The following EDIL3 variants were observed in gnomAD, a reference collection of about 807,000 sequenced individuals.
The protein encoded by EDIL3 is EGF like and discoidin domains 3, also known as EGF-like repeat and discoidin I-like domain-containing protein 3.
A neutral mutation model predicts 67.4 loss-of-function variants in EDIL3; 37 were observed. That is an observed-to-expected ratio of 0.55 (90% confidence interval 0.42 to 0.72). The LOEUF (loss-of-function observed/expected upper bound fraction) is 0.72. Ranked by LOEUF, EDIL3 falls within the 30% of genes least tolerant of loss-of-function variation. The pLI is 0.00. For synonymous variants in EDIL3, 195 were observed against 196.3 expected (o/e 0.99, Z 0.05); for missense variants, 527 against 586.3 (o/e 0.90, Z 1.04).
chr5:84,349,774 C>T (rs763610849), intron 1 of EDIL3, among the ~76,000 whole-genome samples: 11 of 151,976 alleles, frequency 7.2e-5, no homozygotes, highest in Non-Finnish European at 1.2e-4. Context: ...TATAGGTATA[C>T]CTTATTCATT....
intron 5 of EDIL3, among the ~76,000 whole-genome samples, chr5:84,124,920 A>G (rs908285467): frequency 2.6e-5 from 4 of 151,984 alleles, no homozygotes; most frequent in Admixed American, 6.6e-5. Flanking sequence ...TCTCAGGTAC[A>G]CTTATAAACT....
chr5:84,060,049 A>C (rs1446512798), intron 9 of EDIL3, among the ~76,000 whole-genome samples: 4 of 152,226 alleles, frequency 2.6e-5, no homozygotes, highest in Non-Finnish European at 5.9e-5. Flanking sequence ...ATCAATTGAC[A>C]TACACATAGT....
chr5:84,101,328 A>G (rs1035229688), intron 6 of EDIL3, among the ~76,000 whole-genome samples: 35 of 152,116 alleles, frequency 2.3e-4, no homozygotes, highest in African/African-American at 7.2e-4. Flanking sequence ...TAAAGTGATG[A>G]TAATTACACC....
At chr5:84,082,186 T>A (rs1443714272) in intron 6 of EDIL3, among the ~76,000 whole-genome samples, 1 of 152,244 alleles carries the variant, frequency 6.6e-6, no homozygotes, top group Non-Finnish European at 1.5e-5. Flanking sequence ...CAAGTTTTGC[T>A]ATGATAATAC....
Position 84,229,858 on chromosome 5 carries a change from C to A in EDIL3, c.223G>T (p.Ala75Ser). The change falls in exon 3 of 11, where the codon GCA (alanine) becomes TCA (serine). Residue 75 changes from alanine (A) to serine (S), a missense_variant. Transcript: ENST00000296591. ...VASDEEEPTS[A>S]GPCTPNPCHN... is the part of the protein sequence containing the mutation. The stretch of plus-strand genomic sequence containing the variant: ...GTTTACAACATAGGAACTTTACCTG[C>A]TGAAGTTGGTTCTTCTTCATCTGAT... 1 of 1,598,528 alleles carries A rather than the reference C, an allele frequency of 6.3e-7. No homozygotes were observed. Among genetic ancestry groups the A allele is most frequent in the Non-Finnish European group, 8.5e-7 (1 of 1,171,618 alleles).
At chr5:84,012,866 T>C (rs1485521057) in intron 9 of EDIL3, among the ~76,000 whole-genome samples, 1 of 152,042 alleles carries the variant, frequency 6.6e-6, no homozygotes, top group Non-Finnish European at 1.5e-5. Flanking sequence ...AACTTATTAC[T>C]CTACAAATAG....
intron 5 of EDIL3, among the ~76,000 whole-genome samples, chr5:84,130,506 G>A (rs962919775): frequency 6.6e-6 from 1 of 151,998 alleles, no homozygotes; most frequent in Non-Finnish European, 1.5e-5. Flanking sequence ...TAAAACTTAT[G>A]TGTGTTTTCA....
intron 6 of EDIL3, among the ~76,000 whole-genome samples, chr5:84,098,625 T>A (rs1747308364): frequency 6.6e-6 from 1 of 152,084 alleles, no homozygotes; most frequent in Non-Finnish European, 1.5e-5. Flanking sequence ...CAAAACCATA[T>A]GATCACATGG....
chr5:84,054,885 C>G (rs1459231581), intron 9 of EDIL3, among the ~76,000 whole-genome samples: 1 of 136,344 alleles, frequency 7.3e-6, no homozygotes, highest in Non-Finnish European at 1.5e-5. Context: ...CCATACTGCC[C>G]AAGGTAATTT....
rs114614972 is a variant in EDIL3 at position 83,979,590 on chromosome 5, A to G, written c.1138-16230T>C. On this transcript the variant is annotated intron_variant, in intron 9 of 10. Transcript: ENST00000296591. ...GTATCAACTTGGAAAAATCTCAAAA[A>G]TATATTATTGAACAAATATGAAAAC... 9.3e-3 allele frequency among the ~76,000 whole-genome samples: 1,420 copies of G among 152,308 alleles called. 16 individuals are homozygous for G. Among genetic ancestry groups the G allele is most frequent in the African/African-American group, 0.033 (1,356 of 41,578 alleles).
intron 9 of EDIL3, among the ~76,000 whole-genome samples, chr5:84,039,400 C>T (rs911588282): frequency 1.1e-4 from 16 of 152,148 alleles, no homozygotes; most frequent in African/African-American, 3.9e-4. Context: ...TACAAAATAG[C>T]ATCTTTACCA....
intron 9 of EDIL3, among the ~76,000 whole-genome samples, chr5:84,038,853 C>T (rs183653805): frequency 6.6e-6 from 1 of 152,310 alleles, no homozygotes; most frequent in East Asian, 1.9e-4. Flanking sequence ...TCCAGTACTA[C>T]TAATCTCTAG....
At chr5:84,339,605 G>GTGT (rs1561262210) in intron 1 of EDIL3, among the ~76,000 whole-genome samples, 43 of 125,180 alleles carry the variant, frequency 3.4e-4, no homozygotes, top group South Asian at 1.1e-3. Flanking sequence ...AAAATACTGT[G>GTGT]TTTTTTTTTA....
chr5:84,376,622 G>C (rs1467836040), intron 1 of EDIL3, among the ~76,000 whole-genome samples: 2 of 152,200 alleles, frequency 1.3e-5, no homozygotes, highest in South Asian at 4.1e-4. Flanking sequence ...ATGTAAGAAA[G>C]TGAAAAACAC....
At chr5:84,315,120 T>C (rs1212672536) in intron 1 of EDIL3, among the ~76,000 whole-genome samples, 2 of 152,168 alleles carry the variant, frequency 1.3e-5, no homozygotes, top group Admixed American at 1.3e-4. Context: ...AACTAAGGCA[T>C]GTAATACCCA....
At chr5:84,186,601 T>C (rs1044490688) in intron 3 of EDIL3, among the ~76,000 whole-genome samples, 5 of 152,078 alleles carry the variant, frequency 3.3e-5, no homozygotes, top group Non-Finnish European at 7.4e-5. Context: ...AATTTAATTC[T>C]AGGATTTCCT....
intron 9 of EDIL3, among the ~76,000 whole-genome samples, chr5:84,017,312 C>T (rs957270744): frequency 2.6e-5 from 4 of 152,106 alleles, no homozygotes; most frequent in Non-Finnish European, 5.9e-5. Flanking sequence ...TCCTTTTATT[C>T]AGTTTGGTAC....
At chr5:84,046,131 T>C (rs917953350) in intron 9 of EDIL3, among the ~76,000 whole-genome samples, 15 of 152,208 alleles carry the variant, frequency 9.9e-5, no homozygotes, top group African/African-American at 3.6e-4. Flanking sequence ...AAACCAAAAA[T>C]GTAGGAATTG....
At chr5:84,112,615 A>G (rs1312687865) in intron 5 of EDIL3, among the ~76,000 whole-genome samples, 1 of 152,148 alleles carries the variant, frequency 6.6e-6, no homozygotes, top group Non-Finnish European at 1.5e-5. Context: ...AACATCTCTC[A>G]TATCAGTCAG....
Sources: allele counts gnomAD v4.1 joint callset (sites outside exome capture counted in the v4.1 genomes callset), GRCh38; gene constraint gnomAD v4.1.1; transcripts MANE v1.5; gene names NCBI Gene and HGNC (gene_info 2026-07-23, HGNC 2026-07-21).